The following CCDC191 variants were observed in gnomAD, a reference collection of about 807,000 sequenced individuals.
CCDC191 encodes the protein coiled-coil domain containing 191.
Under a neutral mutation model 114.0 loss-of-function variants are expected in CCDC191, and 99 were observed. The ratio of observed to expected loss-of-function variants is 0.87; its 90% CI spans 0.74 to 1.03. The LOEUF (loss-of-function observed/expected upper bound fraction) is 1.03, where lower values mean the gene tolerates loss of function less well. CCDC191 is among the 50% of genes least tolerant of loss of function. The pLI is 0.00. For synonymous variants in CCDC191, 351 were observed against 376.0 expected, an observed-to-expected ratio of 0.93 and a Z score of 0.77; for missense variants, 973 against 1,087.0, an observed-to-expected ratio of 0.90 and a Z score of 1.47.
chr3:113,993,157 GT>G (rs2075624012), intron 13 of CCDC191, among the ~76,000 whole-genome samples: 1 of 152,150 alleles, frequency 6.6e-6, no homozygotes. Flanking sequence ...TGTGACCCAG[GT>G]GTGGTGGCTC....
chr3:114,022,805 A>T (rs2076262302), intron 7 of CCDC191, among the ~76,000 whole-genome samples: 1 of 152,150 alleles, frequency 6.6e-6, no homozygotes, highest in African/African-American at 2.4e-5. Context: ...AAGGAGAAAA[A>T]AAATTAATAA....
chr3:114,011,155 G>A, intron 8 of CCDC191, 134 bp from the exon 9 acceptor site: 1 of 1,010,120 alleles, frequency 9.9e-7, no homozygotes, highest in Non-Finnish European at 1.4e-6. Flanking sequence ...TTTATATTAA[G>A]CTAAATGAAA....
At chr3:113,968,808 C>T (rs1940499244) in intron 16 of CCDC191, among the ~76,000 whole-genome samples, 1 of 151,900 alleles carries the variant, frequency 6.6e-6, no homozygotes, top group Admixed American at 6.6e-5. Flanking sequence ...GAGTTCCTTA[C>T]ATATTCTAGT....
Position 113,965,280 on chromosome 3 carries a change from G to C in CCDC191, c.2686C>G (p.Arg896Gly). ...ACTACCTTCCTACGAAGTTGCTGTC[G>C]CCTTTCTTCTTTTACTCTTTCCTCT... is the stretch of plus-strand genomic sequence containing the variant. The part of the protein sequence containing the change: ...MKEERVKEER[R>G]QQLRRKVVEI... Residue 896 changes from arginine to glycine, a missense_variant, in exon 17 of 17, where the codon CGA becomes GGA. Arg to Gly is a moderately radical substitution (Grantham distance 125). Transcript: ENST00000295878. 6.2e-7 allele frequency: 1 copy of C among 1,611,774 alleles called. No individual in the cohort carries two copies.
rs114584159 is a variant in CCDC191, at chr3:113,997,219, A to G, written c.2163+4376T>C. Among the ~76,000 whole-genome samples the G allele has an allele frequency of 2.4e-3, 363 of 152,314 alleles. 1 individual carries two copies. Among genetic ancestry groups the G allele is most frequent in the African/African-American group, 8.3e-3 (346 of 41,578 alleles). Reference sequence around the variant, plus strand: ...TCATGCTGTCAGAGGGCATTTACAAATAAGCAAGAAGGGAAGCATAGGATA... The same window carrying G: ...TCATGCTGTCAGAGGGCATTTACAAGTAAGCAAGAAGGGAAGCATAGGATA... On this transcript the variant is annotated intron_variant, in intron 13 of 16. Transcript: ENST00000295878.
At chr3:114,006,619 A>AAATATATATATATAAAT (rs1160832038) in intron 9 of CCDC191, among the ~76,000 whole-genome samples, 1 of 92,548 alleles carries the variant, frequency 1.1e-5, no homozygotes, top group African/African-American at 4.2e-5. Context: ...TATATATATA[A>AAATATATATATATAAAT]ATATATATAT....
At position 113,978,201 on chromosome 3, in the gene CCDC191, GC is replaced by G. The variant is rs765216908; in HGVS notation, c.2590del (p.Ala864ArgfsTer20). On this transcript the variant is annotated frameshift_variant, in exon 16 of 17. Transcript: ENST00000295878. LOFTEE classifies it low-confidence loss of function (END_TRUNC). Reference sequence around the variant, plus strand: ...AAAACCTCACCTGTCACTGTGCTCCGCTGCAATCTCATGCTTGCCCTGAGAA... The same window carrying G: ...AAAACCTCACCTGTCACTGTGCTCCGTGCAATCTCATGCTTGCCCTGAGAA... ...IDSQGKHEIA[A>X]EHSDRRILWI... 2 of 1,613,938 alleles carry G rather than the reference GC, an allele frequency of 1.2e-6. No homozygotes were observed. The highest frequency in any genetic ancestry group is 1.1e-5 in the South Asian group (1 of 91,076).
chr3:113,994,240 G>A (rs1007292439), intron 13 of CCDC191, among the ~76,000 whole-genome samples: 7 of 152,172 alleles, frequency 4.6e-5, no homozygotes, highest in Non-Finnish European at 7.4e-5. Context: ...GATCTGAACA[G>A]ATACTTCATC....
At chr3:114,051,573 T>C (rs1031900226) in intron 2 of CCDC191, among the ~76,000 whole-genome samples, 4 of 152,182 alleles carry the variant, frequency 2.6e-5, no homozygotes, top group Admixed American at 2.0e-4. Context: ...ATTTAAAATA[T>C]ATATTTAAAA....
chr3:114,012,571 C>T (rs2076089057), intron 8 of CCDC191, among the ~76,000 whole-genome samples: 1 of 152,012 alleles, frequency 6.6e-6, no homozygotes, highest in East Asian at 1.9e-4. Flanking sequence ...CAGGTAAGAA[C>T]AAAGCTCTAA....
At chr3:114,042,075 A>C (rs2076570008) in intron 4 of CCDC191, among the ~76,000 whole-genome samples, 1 of 152,204 alleles carries the variant, frequency 6.6e-6, no homozygotes, top group Admixed American at 6.5e-5. Context: ...TATAAATATA[A>C]AAATGACATA....
intron 4 of CCDC191, 157 bp from the exon 5 acceptor site, chr3:114,036,943 C>A: frequency 2.6e-6 from 1 of 390,798 alleles, no homozygotes; most frequent in Non-Finnish European, 4.3e-6. Flanking sequence ...GAGTATAGCC[C>A]TCAGCAGTTA....
chr3:114,018,715 T>A lies in CCDC191; in HGVS notation c.1126A>T (p.Thr376Ser), dbSNP rs1403865178. 6.2e-7 allele frequency: 1 copy of A among 1,612,210 alleles called. No homozygotes were observed. Among genetic ancestry groups the A allele is most frequent in the African/African-American group, 1.3e-5 (1 of 74,798 alleles). Residue 376 changes from threonine to serine, a missense_variant, in exon 8 of 17, where the codon ACT (threonine) becomes TCT (serine). Coordinates refer to ENST00000295878, the MANE Select transcript of CCDC191 (RefSeq NM_020817.2). The part of the protein sequence containing the change: ...YTRFQKLERE[T>S]QALENDLREE... ...CTAAGATCATTTTCCAAGGCTTGAG[T>A]CTCCCGCTCCAACTTCTGGAATCTT...
At chr3:114,056,147 G>A (rs2076775058) in intron 1 of CCDC191, among the ~76,000 whole-genome samples, 1 of 152,136 alleles carries the variant, frequency 6.6e-6, no homozygotes, top group Non-Finnish European at 1.5e-5. Context: ...TTTTAGAAAA[G>A]CGTTACAAAC....
At chr3:114,012,895 A>T (rs1226995141) in intron 8 of CCDC191, among the ~76,000 whole-genome samples, 3 of 152,184 alleles carry the variant, frequency 2.0e-5, no homozygotes, top group African/African-American at 7.2e-5. Flanking sequence ...GAAAATGAGT[A>T]AAAAAATGCA....
At chr3:114,008,524 G>A (rs1232367406) in intron 9 of CCDC191, among the ~76,000 whole-genome samples, 1 of 151,926 alleles carries the variant, frequency 6.6e-6, no homozygotes, top group African/African-American at 2.4e-5. Flanking sequence ...GAGGTGAGGG[G>A]GTAGAAGCTC....
At chr3:114,040,324 A>G (rs898187661) in intron 4 of CCDC191, among the ~76,000 whole-genome samples, 3 of 152,280 alleles carry the variant, frequency 2.0e-5, no homozygotes, top group East Asian at 1.9e-4. Flanking sequence ...TGCAGGACTT[A>G]TCCTCTTCAT....
intron 12 of CCDC191, 137 bp from the exon 13 acceptor site, chr3:114,001,833 T>A: frequency 9.4e-7 from 1 of 1,063,916 alleles, no homozygotes; most frequent in Non-Finnish European, 1.3e-6. Flanking sequence ...GTGATAAAAG[T>A]AGAAAACTCA....
chr3:114,010,651 C>T (rs899953367), intron 9 of CCDC191, 121 bp downstream of exon 9: 33 of 842,634 alleles, frequency 3.9e-5, no homozygotes, highest in Non-Finnish European at 5.9e-5. Context: ...AAAGGTAGTG[C>T]ATTGAGGCAG....
Sources: allele counts gnomAD v4.1 joint callset (sites outside exome capture counted in the v4.1 genomes callset), GRCh38; gene constraint gnomAD v4.1.1; transcripts MANE v1.5; gene names NCBI Gene and HGNC (gene_info 2026-07-23, HGNC 2026-07-21).